Variants in DNAJC12 observed in about 807,000 individuals in gnomAD.
DNAJC12 encodes dnaJ homolog subfamily C member 12.
In DNAJC12, 25 loss-of-function variants were observed where a neutral mutation model predicts 28.5. That is an observed-to-expected ratio of 0.88 (90% CI 0.64 to 1.22). The LOEUF is 1.22. DNAJC12 is among the 50% of genes most tolerant of loss of function. The pLI is 0.00. For missense variants in DNAJC12, 222 were observed against 231.7 expected (o/e 0.96, Z 0.27); for synonymous variants, 77 against 80.6 (o/e 0.95, Z 0.24).
rs375331138 is a variant in DNAJC12 at position 67,837,935 on chromosome 10, G to A, written c.77C>T (p.Ser26Leu). Residue 26 changes from serine to leucine, a missense_variant and splice_region_variant, in exon 1 of 5, where the codon TCG (serine) becomes TTG (leucine). Coordinates refer to ENST00000225171, the MANE Select transcript of DNAJC12 (RefSeq NM_021800.3). ...YTLLGCDELS[S>L]VEQILAEFKV... ...TAAAAATATTATCCACTGTCTTACCGAAGATAGTTCATCACATCCCAGTAA... is the reference window on the plus strand; with the variant it reads ...TAAAAATATTATCCACTGTCTTACCAAAGATAGTTCATCACATCCCAGTAA... The A allele has an allele frequency of 1.8e-5, 28 of 1,587,966 alleles. No individual in the cohort carries two copies. In the African/African-American group the frequency reaches 1.9e-4, roughly 11 times the overall value.
intron 1 of DNAJC12, among the ~76,000 whole-genome samples, chr10:67,828,730 C>T (rs1355533092): frequency 6.6e-6 from 1 of 151,016 alleles, no homozygotes; most frequent in Admixed American, 6.6e-5. Flanking sequence ...ATTTCCTAGC[C>T]TTTGATTCAA....
At chr10:67,811,699 C>T (rs370786099) in intron 2 of DNAJC12, 36 bp from the exon 3 acceptor site, 95 of 1,595,642 alleles carry the variant, frequency 6.0e-5, no homozygotes, top group Non-Finnish European at 7.6e-5. Context: ...ACTTCTCTCT[C>T]GGAGAGGATA....
At chr10:67,811,121 T>A in intron 3 of DNAJC12, 1 of 222,632 alleles carries the variant, frequency 4.5e-6, no homozygotes, top group Non-Finnish European at 7.7e-6. Flanking sequence ...GCCTTTTTAA[T>A]GAAAATTCTA....
intron 4 of DNAJC12, 118 bp downstream of exon 4, chr10:67,805,459 TGATAAA>T: frequency 3.8e-6 from 4 of 1,050,046 alleles, no homozygotes; most frequent in Non-Finnish European, 5.5e-6. Flanking sequence ...TCTTTTAAGA[TGATAAA>T]CCAATCTTTA....
chr10:67,826,901 G>A (rs1189002459), intron 1 of DNAJC12, among the ~76,000 whole-genome samples: 3 of 121,816 alleles, frequency 2.5e-5, no homozygotes, highest in Non-Finnish European at 5.1e-5. Context: ...TCTATTATAT[G>A]TCATTATATA....
chr10:67,800,101 C>T (rs1841726129), intron 4 of DNAJC12, among the ~76,000 whole-genome samples: 1 of 150,774 alleles, frequency 6.6e-6, no homozygotes, highest in Non-Finnish European at 1.5e-5. Context: ...TGCACACCTG[C>T]AGTCCCAGCC....
At chr10:67,819,601 G>A (rs935556578) in intron 2 of DNAJC12, among the ~76,000 whole-genome samples, 1 of 149,262 alleles carries the variant, frequency 6.7e-6, no homozygotes, top group African/African-American at 2.5e-5. Context: ...ATCATGCCAC[G>A]GCCCTCCAGC....
intron 2 of DNAJC12, among the ~76,000 whole-genome samples, chr10:67,814,540 T>G (rs914675450): frequency 6.6e-6 from 1 of 152,146 alleles, no homozygotes; most frequent in Admixed American, 6.6e-5. Flanking sequence ...AAAACTTTTG[T>G]GCCTCAAAGA....
intron 2 of DNAJC12, among the ~76,000 whole-genome samples, chr10:67,818,798 GGCAT>G (rs1841941160): frequency 1.3e-5 from 2 of 151,960 alleles, no homozygotes; most frequent in African/African-American, 4.8e-5. Context: ...TGGGATTACA[GGCAT>G]GTGCCACCAC....
chr10:67,802,995 C>A (rs1314714763), intron 4 of DNAJC12, among the ~76,000 whole-genome samples: 1 of 145,014 alleles, frequency 6.9e-6, no homozygotes, highest in South Asian at 2.2e-4. Context: ...CACGCACCAC[C>A]ACTCCTGGCT....
chr10:67,834,024 T>C (rs1842119345), intron 1 of DNAJC12: 1 of 456,340 alleles, frequency 2.2e-6, no homozygotes, highest in Admixed American at 2.5e-5. Context: ...AATTATACTC[T>C]TAAATCATAG....
At chr10:67,819,775 GAAGGGGAAGGAA>G (rs1841964292) in intron 2 of DNAJC12, among the ~76,000 whole-genome samples, 1 of 17,774 alleles carries the variant, frequency 5.6e-5, no homozygotes, top group African/African-American at 1.9e-4. Flanking sequence ...AGGAAGGAAG[GAAGGGGAAGGAA>G]GGAAGGAAGG....
intron 4 of DNAJC12, among the ~76,000 whole-genome samples, chr10:67,801,077 C>T (rs1295014574): frequency 6.6e-6 from 1 of 152,098 alleles, no homozygotes; most frequent in East Asian, 1.9e-4. Context: ...GATTGTCTCG[C>T]ACAGTGGTTT....
At position 67,812,851 on chromosome 10, in the gene DNAJC12, C is replaced by CAA. The variant is rs567473050; in HGVS notation, c.158-1190_158-1189dup. Among the ~76,000 whole-genome samples, 39 of 115,650 alleles carry CAA rather than the reference C, an allele frequency of 3.4e-4. 1 individual carries two copies. Among genetic ancestry groups the CAA allele is most frequent in the Admixed American group, 2.5e-3 (28 of 10,998 alleles). 75.9% of individuals were successfully genotyped at this position (115,650 alleles called of 152,430 possible). A position where few individuals can be genotyped will look rare whatever the true frequency, so the allele number is the denominator to read the frequency against. The stretch of plus-strand genomic sequence containing the variant: ...TGGGCGACAGAGCGAGACTCCATCT[C>CAA]AAAAAAAAAAAACAAAAAAAAGTAG... On this transcript the variant is annotated intron_variant, in intron 2 of 4. Coordinates refer to ENST00000225171, the MANE Select transcript of DNAJC12 (RefSeq NM_021800.3).
At chr10:67,819,257 C>T (rs907766245) in intron 2 of DNAJC12, among the ~76,000 whole-genome samples, 1 of 150,584 alleles carries the variant, frequency 6.6e-6, no homozygotes, top group Admixed American at 6.6e-5. Flanking sequence ...GGCGTAAACC[C>T]GGGAGGCGGA....
chr10:67,821,204 A>G (rs1206288480), intron 2 of DNAJC12, among the ~76,000 whole-genome samples: 7 of 152,208 alleles, frequency 4.6e-5, no homozygotes, highest in Admixed American at 4.6e-4. Flanking sequence ...ATACGCATAT[A>G]GTAAACATAA....
chr10:67,815,560 C>A (rs1841907694), intron 2 of DNAJC12, among the ~76,000 whole-genome samples: 1 of 146,600 alleles, frequency 6.8e-6, no homozygotes, highest in African/African-American at 2.5e-5. Context: ...CTATTGAAAG[C>A]TACAGGAAAA....
intron 4 of DNAJC12, among the ~76,000 whole-genome samples, chr10:67,803,873 T>C (rs1589602698): frequency 6.6e-6 from 1 of 152,374 alleles, no homozygotes; most frequent in Middle Eastern, 3.4e-3. Context: ...ATGCAATCAA[T>C]GTGCAGACTC....
At chr10:67,815,198 T>C (rs1278923361) in intron 2 of DNAJC12, among the ~76,000 whole-genome samples, 4 of 152,142 alleles carry the variant, frequency 2.6e-5, no homozygotes, top group African/African-American at 9.7e-5. Context: ...TGCTACAACA[T>C]GAATGAGTCT....
Sources: gnomAD v4.1 joint callset for allele counts (sites outside exome capture counted in the v4.1 genomes callset) on GRCh38, gnomAD v4.1.1 for gene constraint, MANE v1.5 for transcripts, NCBI Gene and HGNC (gene_info 2026-07-23, HGNC 2026-07-21) for gene names.